Variants in ADARB1 observed in about 807,000 individuals in gnomAD.
The protein encoded by ADARB1 is double-stranded RNA-specific editase 1.
A neutral mutation model predicts 52.4 loss-of-function variants in ADARB1; 10 were observed. That is an observed-to-expected ratio of 0.19 (90% CI 0.12 to 0.32). The LOEUF (loss-of-function observed/expected upper bound fraction) is 0.32. Among genes scored for constraint, ADARB1 ranks in the 10% least tolerant of loss-of-function variants. ADARB1 has a pLI of 1.00. For missense variants in ADARB1, 643 were observed against 922.3 expected, an observed-to-expected ratio of 0.70 and a Z score of 3.92; for synonymous variants, 349 against 371.1, an observed-to-expected ratio of 0.94 and a Z score of 0.68.
intron 1 of ADARB1, among the ~76,000 whole-genome samples, chr21:45,119,504 A>G (rs2088027316): frequency 6.6e-6 from 1 of 152,258 alleles, no homozygotes; most frequent in Non-Finnish European, 1.5e-5. Flanking sequence ...ATGAAATTAA[A>G]TGAACCAGTT....
rs1342334361 is a variant in ADARB1, at chr21:45,224,068, T to A, written c.*1871T>A. On this transcript the variant is annotated 3_prime_UTR_variant, in exon 11 of 11. Transcript: ENST00000348831. ...AGGAGAGGGGTCTGTTGTCGCTGGC[T>A]TTCCCCCAAGCAGGCTCTTGCACAC... The A allele has an allele frequency of 3.0e-6, 3 of 985,350 alleles. No individual in the cohort carries two copies. The highest frequency in any genetic ancestry group is 3.6e-6 in the Non-Finnish European group (3 of 829,972). 61.0% of individuals were successfully genotyped at this position (985,350 alleles called of 1,614,324 possible).
At chr21:45,098,903 C>T (rs1291347297) in intron 1 of ADARB1, among the ~76,000 whole-genome samples, 4 of 152,190 alleles carry the variant, frequency 2.6e-5, no homozygotes, top group African/African-American at 7.2e-5. Flanking sequence ...AGCTCACTGC[C>T]TCTGCCTCAG....
chr21:45,133,310 C>T (rs889752667), intron 2 of ADARB1, among the ~76,000 whole-genome samples: 1 of 152,240 alleles, frequency 6.6e-6, no homozygotes, highest in Non-Finnish European at 1.5e-5. Context: ...TGGAGACTGC[C>T]CATAGCCCCT....
intron 9 of ADARB1, among the ~76,000 whole-genome samples, chr21:45,205,342 C>G (rs557051692): frequency 6.6e-6 from 1 of 152,302 alleles, no homozygotes; most frequent in South Asian, 2.1e-4. Context: ...GTCTGTTTTC[C>G]TCTCACTCAG....
chr21:45,133,862 A>C (rs1402537258), intron 2 of ADARB1, among the ~76,000 whole-genome samples: 1 of 115,142 alleles, frequency 8.7e-6, no homozygotes, highest in East Asian at 2.8e-4. Context: ...TGTGCGCCCG[A>C]CGGGGGTGTG....
rs2090705980 is a variant in ADARB1 at position 45,157,233 on chromosome 21, A to G, written c.-47-14377A>G. ...TGAAATTCTAAAGTAAGCATGTAGA[A>G]GTAGATTTGTGAAATTGCACTTGAA... On this transcript the variant is annotated intron_variant, in intron 2 of 10. Coordinates refer to ENST00000348831, the MANE Select transcript of ADARB1 (RefSeq NM_001112.4). The surrounding 1 kb of genome is among the most constrained non-coding windows in gnomAD (Gnocchi z 4.1). 6.6e-6 allele frequency among the ~76,000 whole-genome samples: 1 copy of G among 152,234 alleles called. No homozygotes were observed.
At chr21:45,106,967 C>T (rs2087286962) in intron 1 of ADARB1, among the ~76,000 whole-genome samples, 1 of 152,080 alleles carries the variant, frequency 6.6e-6, no homozygotes, top group Admixed American at 6.5e-5. Context: ...AAAGGCATAC[C>T]ATGTGGAAAA....
At chr21:45,098,208 C>G (rs979066741) in intron 1 of ADARB1, among the ~76,000 whole-genome samples, 2 of 152,196 alleles carry the variant, frequency 1.3e-5, no homozygotes, top group African/African-American at 4.8e-5. Context: ...ACCAGGGCAT[C>G]TGGAATACAA....
intron 8 of ADARB1, among the ~76,000 whole-genome samples, chr21:45,203,450 G>A (rs1237281745): frequency 6.6e-6 from 1 of 152,094 alleles, no homozygotes; most frequent in South Asian, 2.1e-4. Flanking sequence ...TTTAGCTCCT[G>A]AGCTGTATCT....
In ADARB1 at chr21:45,221,477, TTGTG is replaced by T. The variant is rs1199600294; in HGVS notation, c.1926+467_1926+470del. ...TATAGTAAGTCAGGGTATTACTAGT[TTGTG>T]TGTATTCTTCAGTCAAGTAGATGGC... On this transcript the variant is annotated intron_variant, in intron 10 of 10. Coordinates refer to ENST00000348831, the MANE Select transcript of ADARB1 (RefSeq NM_001112.4). The surrounding 1 kb of genome is among the most constrained non-coding windows in gnomAD (Gnocchi z 4.9). 2.0e-5 allele frequency among the ~76,000 whole-genome samples: 3 copies of T among 152,196 alleles called. No homozygotes were observed. The highest frequency in any genetic ancestry group is 7.2e-5 in the African/African-American group (3 of 41,446).
intron 2 of ADARB1, chr21:45,133,658 C>T: frequency 3.7e-6 from 1 of 272,564 alleles, no homozygotes; most frequent in East Asian, 1.2e-4. Flanking sequence ...CTTACCTGTA[C>T]CTGACAGGTG....
chr21:45,172,673 C>G lies in ADARB1; in HGVS notation c.28+989C>G, dbSNP rs185839779. Among the ~76,000 whole-genome samples the G allele has an allele frequency of 6.0e-4, 92 of 152,264 alleles. No homozygotes were observed. Among genetic ancestry groups the G allele is most frequent in the Non-Finnish European group, 9.7e-4 (66 of 68,024 alleles). The stretch of plus-strand genomic sequence containing the variant: ...CTGTGGAGGCGGCTGGGCCTCTGCT[C>G]TATGGACTGTGTGCTAAGTGTTGGC... On this transcript the variant is annotated intron_variant, in intron 3 of 10. Transcript: ENST00000348831. This position sits in a 1 kb window ranked among gnomAD's most constrained non-coding sequence, Gnocchi z 4.4.
chr21:45,126,284 G>A (rs2145820778), intron 1 of ADARB1, among the ~76,000 whole-genome samples: 1 of 152,278 alleles, frequency 6.6e-6, no homozygotes, highest in Admixed American at 6.5e-5. Flanking sequence ...GCTGATGTGT[G>A]ATGCACTGTT....
intron 2 of ADARB1, chr21:45,145,184 A>C (rs1477752036): frequency 2.6e-5 from 4 of 152,362 alleles, no homozygotes; most frequent in Non-Finnish European, 5.9e-5. Context: ...TGTGGAGGTG[A>C]CCAAGGAACC....
At chr21:45,105,724 G>A (rs1197285771) in intron 1 of ADARB1, among the ~76,000 whole-genome samples, 1 of 152,202 alleles carries the variant, frequency 6.6e-6, no homozygotes, top group Non-Finnish European at 1.5e-5. Context: ...TTCTCAGTAT[G>A]CAGATGATTT....
At chr21:45,210,286 A>G (rs749723068) in intron 9 of ADARB1, among the ~76,000 whole-genome samples, 6 of 152,212 alleles carry the variant, frequency 3.9e-5, no homozygotes, top group Non-Finnish European at 8.8e-5. Flanking sequence ...GGAAGAGTTC[A>G]GGTTGGAATT....
intron 9 of ADARB1, among the ~76,000 whole-genome samples, chr21:45,205,466 C>A (rs995552069): frequency 6.6e-6 from 1 of 152,140 alleles, no homozygotes; most frequent in East Asian, 1.9e-4. Context: ...TTTACGCTGT[C>A]TTAGAGCCAC....
chr21:45,158,213 C>G (rs1041095149), intron 2 of ADARB1, among the ~76,000 whole-genome samples: 1 of 152,186 alleles, frequency 6.6e-6, no homozygotes, highest in Non-Finnish European at 1.5e-5. Context: ...CATCCTCATT[C>G]TCCAGACCCT....
Position 45,223,672 on chromosome 21 carries a change from G to A in ADARB1, c.*1475G>A. The A allele has an allele frequency of 2.0e-6, 2 of 985,536 alleles. No homozygotes were observed. Among genetic ancestry groups the A allele is most frequent in the Non-Finnish European group, 2.4e-6 (2 of 830,062 alleles). The allele number at this position is 985,536 out of a possible 1,614,324, so 61.0% of individuals were successfully genotyped here. ...AAATCCAGGGTGTTGGCACCTGTGT[G>A]TCCGTGATGAGCCTAGGAAACCAGA... On this transcript the variant is annotated 3_prime_UTR_variant, in exon 11 of 11. Transcript: ENST00000348831.
Sources: gnomAD v4.1 joint callset for allele counts (sites outside exome capture counted in the v4.1 genomes callset) on GRCh38, gnomAD v4.1.1 for gene constraint, Gnocchi (gnomAD v3.1) non-coding constraint, MANE v1.5 for transcripts, NCBI Gene and HGNC (gene_info 2026-07-23, HGNC 2026-07-21) for gene names.